Variants in DLG2 observed in about 807,000 individuals in gnomAD.
DLG2 encodes discs large MAGUK scaffold protein 2.
In DLG2, 45 loss-of-function variants were observed where a neutral mutation model predicts 132.5. The ratio of observed to expected loss-of-function variants is 0.34; its 90% CI spans 0.27 to 0.44. DLG2 has a LOEUF of 0.44. Ranked by LOEUF, DLG2 falls within the 20% of genes least tolerant of loss-of-function variation. The pLI is 1.00. For missense variants in DLG2, 1,045 were observed against 1,196.9 expected, an observed-to-expected ratio of 0.87 and a Z score of 1.87; for synonymous variants, 424 against 419.6, an observed-to-expected ratio of 1.01 and a Z score of -0.13.
At chr11:83,880,803 T>C (rs1171947015) in intron 15 of DLG2, among the ~76,000 whole-genome samples, 1 of 152,194 alleles carries the variant, frequency 6.6e-6, no homozygotes, top group Non-Finnish European at 1.5e-5. Context: ...ATAGTGGACA[T>C]CTATAATTAT....
chr11:84,868,005 C>G (rs1366042279), intron 6 of DLG2, among the ~76,000 whole-genome samples: 1 of 151,660 alleles, frequency 6.6e-6, no homozygotes, highest in South Asian at 2.1e-4. Context: ...ACCCGGGCGG[C>G]GGAGCTTGCA....
intron 18 of DLG2, among the ~76,000 whole-genome samples, chr11:83,751,067 A>C (rs71465557): frequency 0.043 from 6,498 of 152,342 alleles, 200 homozygotes; most frequent in Middle Eastern, 0.11. Context: ...TCAATGTAAA[A>C]AGTCAGAATA....
intron 18 of DLG2, chr11:83,647,421 T>C (rs554115947): frequency 2.6e-5 from 4 of 152,148 alleles, no homozygotes; most frequent in African/African-American, 9.6e-5. Context: ...ATTGGTTGGG[T>C]GGGAATGATT....
At chr11:84,236,060 A>AC (rs2097154536) in intron 8 of DLG2, among the ~76,000 whole-genome samples, 2 of 151,750 alleles carry the variant, frequency 1.3e-5, no homozygotes, top group Non-Finnish European at 2.9e-5. Flanking sequence ...AAAAAAAAAA[A>AC]AAAACAACTA....
chr11:83,921,139 G>A (rs886389944), intron 15 of DLG2, among the ~76,000 whole-genome samples: 13 of 152,202 alleles, frequency 8.5e-5, no homozygotes, highest in African/African-American at 2.9e-4. Flanking sequence ...ACCTCCCTGG[G>A]TTGCTGTGGA....
intron 18 of DLG2, among the ~76,000 whole-genome samples, chr11:83,653,731 AT>A (rs927665550): frequency 6.0e-5 from 9 of 149,552 alleles, no homozygotes; most frequent in South Asian, 2.1e-4. Flanking sequence ...TTAGATTTTT[AT>A]TTTTTTTTTA....
chr11:84,925,406 ACTT>A (rs1317177025), intron 6 of DLG2, among the ~76,000 whole-genome samples: 1 of 152,092 alleles, frequency 6.6e-6, no homozygotes, highest in African/African-American at 2.4e-5. Context: ...AGCCTTAAAA[ACTT>A]CTTTAAAACA....
chr11:85,585,160 T>C (rs1384474322), intron 3 of DLG2, among the ~76,000 whole-genome samples: 5 of 152,212 alleles, frequency 3.3e-5, no homozygotes, highest in Admixed American at 6.5e-5. Context: ...CTTTGATCCA[T>C]CTTGAGTGGA....
At chr11:84,224,951 A>G (rs1161359446) in intron 8 of DLG2, among the ~76,000 whole-genome samples, 2 of 152,146 alleles carry the variant, frequency 1.3e-5, no homozygotes, top group Non-Finnish European at 2.9e-5. Flanking sequence ...TGCCCTTTAA[A>G]TTTAGTTTAC....
intron 4 of DLG2, among the ~76,000 whole-genome samples, chr11:85,269,462 A>G (rs1360171639): frequency 6.6e-6 from 1 of 152,228 alleles, no homozygotes; most frequent in East Asian, 1.9e-4. Context: ...TGACTCCCCA[A>G]GGGGCAGAAA....
At chr11:83,937,309 C>T (rs1227649115) in intron 14 of DLG2, among the ~76,000 whole-genome samples, 1 of 151,700 alleles carries the variant, frequency 6.6e-6, no homozygotes, top group Non-Finnish European at 1.5e-5. Context: ...AGATCGAGAC[C>T]ATCCTGGCTA....
At chr11:83,839,937 TCTC>T (rs2057176692) in intron 16 of DLG2, among the ~76,000 whole-genome samples, 1 of 152,138 alleles carries the variant, frequency 6.6e-6, no homozygotes. Context: ...CAACTTGAAG[TCTC>T]CTTGATCCTA....
intron 21 of DLG2, among the ~76,000 whole-genome samples, chr11:83,525,409 G>A (rs1042183878): frequency 5.9e-5 from 9 of 152,140 alleles, no homozygotes; most frequent in Admixed American, 4.6e-4. Context: ...TCCACGTTGG[G>A]CTATTGAAGC....
intron 7 of DLG2, among the ~76,000 whole-genome samples, chr11:84,495,879 G>A (rs533222021): frequency 6.6e-6 from 1 of 152,284 alleles, no homozygotes; most frequent in South Asian, 2.1e-4. Flanking sequence ...CGGGCACAAT[G>A]TCAGAGGAAC....
At position 84,282,239 on chromosome 11, in the gene DLG2, G is replaced by C. The variant is rs559662014; in HGVS notation, c.520-30948C>G. Among the ~76,000 whole-genome samples, 12 of 152,260 alleles carry C rather than the reference G, an allele frequency of 7.9e-5. No homozygotes were observed. In the East Asian group the frequency reaches 1.2e-3, roughly 15 times the overall value. ...ACTAATCTTTAAATAATCATGTTGA[G>C]TGAAAGAGGACAAACAAAAAGTACA... On this transcript the variant is annotated intron_variant, in intron 7 of 27. Transcript: ENST00000376104.
chr11:85,038,122 GT>G (rs1380977500), intron 6 of DLG2, among the ~76,000 whole-genome samples: 3 of 152,114 alleles, frequency 2.0e-5, no homozygotes, highest in Non-Finnish European at 2.9e-5. Flanking sequence ...GACATGAATG[GT>G]TCATGGGGTA....
At chr11:84,821,949 G>A (rs1265567823) in intron 6 of DLG2, among the ~76,000 whole-genome samples, 1 of 151,130 alleles carries the variant, frequency 6.6e-6, no homozygotes, top group Non-Finnish European at 1.5e-5. Context: ...ACTATTTGAT[G>A]AAAAATTCAA....
intron 19 of DLG2, among the ~76,000 whole-genome samples, chr11:83,580,218 A>G (rs1221025175): frequency 6.6e-6 from 1 of 152,166 alleles, no homozygotes; most frequent in East Asian, 1.9e-4. Context: ...TGTACAGTGT[A>G]AATGGAATTG....
chr11:83,742,760 T>G (rs2092626866), intron 18 of DLG2, among the ~76,000 whole-genome samples: 1 of 152,206 alleles, frequency 6.6e-6, no homozygotes, highest in South Asian at 2.1e-4. Context: ...ATTGTCATTT[T>G]TACAGTAGAA....
Sources: allele counts gnomAD v4.1 joint callset (sites outside exome capture counted in the v4.1 genomes callset), GRCh38; gene constraint gnomAD v4.1.1; transcripts MANE v1.5; gene names NCBI Gene and HGNC (gene_info 2026-07-23, HGNC 2026-07-21).